SOX5: variants seen among roughly 807,000 people sequenced by gnomAD.
SOX5 encodes the protein SRY-box transcription factor 5.
Under a neutral mutation model 92.0 loss-of-function variants are expected in SOX5, and 9 were observed. The ratio of observed to expected loss-of-function variants is 0.10; its 90% CI spans 0.06 to 0.17. SOX5 has a LOEUF of 0.17. SOX5 is among the 10% of genes least tolerant of loss of function. The pLI is 1.00. For missense variants in SOX5, 642 were observed against 944.5 expected, an observed-to-expected ratio of 0.68 and a Z score of 4.20; for synonymous variants, 344 against 336.3, an observed-to-expected ratio of 1.02 and a Z score of -0.25.
chr12:23,567,983 G>A (rs191978051), intron 10 of SOX5, among the ~76,000 whole-genome samples: 4 of 152,212 alleles, frequency 2.6e-5, no homozygotes, highest in Admixed American at 1.3e-4. Context: ...CTTGTAATGG[G>A]TTGAATTGTG....
intron 4 of SOX5, among the ~76,000 whole-genome samples, chr12:24,125,402 C>G (rs1159577468): frequency 1.3e-5 from 2 of 152,106 alleles, no homozygotes; most frequent in Non-Finnish European, 2.9e-5. Flanking sequence ...GCATGAGGTA[C>G]AAAACAGTTA....
intron 1 of SOX5, among the ~76,000 whole-genome samples, chr12:23,899,179 G>C (rs999128349): frequency 1.3e-5 from 2 of 152,036 alleles, no homozygotes; most frequent in African/African-American, 4.8e-5. Context: ...GGAGGCTGAG[G>C]CGGGCAGATC....
At chr12:24,322,729 A>G (rs1474605261) in intron 2 of SOX5, among the ~76,000 whole-genome samples, 1 of 152,194 alleles carries the variant, frequency 6.6e-6, no homozygotes, top group Non-Finnish European at 1.5e-5. Flanking sequence ...ACCTCTGTTA[A>G]TGAAATTCTG....
chr12:23,721,926 G>A (rs1454222266), intron 6 of SOX5, among the ~76,000 whole-genome samples: 1 of 152,220 alleles, frequency 6.6e-6, no homozygotes, highest in African/African-American at 2.4e-5. Context: ...ACAGGTTTAT[G>A]TATGGGTTAT....
chr12:23,584,101 A>T (rs1212330624), intron 9 of SOX5, among the ~76,000 whole-genome samples: 1 of 152,164 alleles, frequency 6.6e-6, no homozygotes, highest in Non-Finnish European at 1.5e-5. Flanking sequence ...ACTGGAATCT[A>T]CAAAAGGAAT....
At chr12:24,386,525 C>A (rs1478200555) in intron 1 of SOX5, among the ~76,000 whole-genome samples, 7 of 152,082 alleles carry the variant, frequency 4.6e-5, no homozygotes, top group East Asian at 1.9e-4. Context: ...TGCTTTCTCT[C>A]TATATGAAAT....
intron 9 of SOX5, among the ~76,000 whole-genome samples, chr12:23,587,620 A>G (rs1950934915): frequency 6.6e-6 from 1 of 152,126 alleles, no homozygotes; most frequent in Non-Finnish European, 1.5e-5. Flanking sequence ...ACACTAAATC[A>G]TAAAGTATTT....
chr12:24,180,007 G>A (rs894015927), intron 4 of SOX5, among the ~76,000 whole-genome samples: 6 of 151,368 alleles, frequency 4.0e-5, no homozygotes, highest in African/African-American at 1.2e-4. Flanking sequence ...TGCAGTGGTA[G>A]TATCATCGCT....
chr12:23,890,997 G>A (rs1438640180), intron 2 of SOX5, among the ~76,000 whole-genome samples: 1 of 152,148 alleles, frequency 6.6e-6, no homozygotes, highest in Non-Finnish European at 1.5e-5. Context: ...GATTATGAAA[G>A]CTTCAGAGAA....
intron 3 of SOX5, among the ~76,000 whole-genome samples, chr12:24,274,400 C>T (rs1239377228): frequency 6.6e-6 from 1 of 152,174 alleles, no homozygotes; most frequent in Non-Finnish European, 1.5e-5. Flanking sequence ...GCTTTAAAGT[C>T]TATTTTGCTT....
chr12:24,004,672 G>T (rs1311352492), intron 4 of SOX5, among the ~76,000 whole-genome samples: 2 of 152,190 alleles, frequency 1.3e-5, no homozygotes, highest in Admixed American at 1.3e-4. Context: ...TTGCTGCTGG[G>T]TATGTCAAAT....
At chr12:23,555,020 C>A (rs1944894703) in intron 11 of SOX5, among the ~76,000 whole-genome samples, 1 of 152,044 alleles carries the variant, frequency 6.6e-6, no homozygotes, top group African/African-American at 2.4e-5. Context: ...AAGAGCAGTT[C>A]TGGCCCAACA....
chr12:24,006,064 A>G (rs1952125213), intron 4 of SOX5, among the ~76,000 whole-genome samples: 1 of 152,180 alleles, frequency 6.6e-6, no homozygotes. Context: ...TAAATAGGCT[A>G]TTGATGTCAA....
chr12:24,350,664 C>T (rs969514896), intron 2 of SOX5, among the ~76,000 whole-genome samples: 9 of 152,070 alleles, frequency 5.9e-5, no homozygotes, highest in African/African-American at 2.2e-4. Flanking sequence ...TTAACCTTAG[C>T]TTTTTTATGA....
intron 1 of SOX5, among the ~76,000 whole-genome samples, chr12:24,489,042 A>G (rs1220747514): frequency 6.6e-6 from 1 of 152,202 alleles, no homozygotes; most frequent in African/African-American, 2.4e-5. Context: ...TCTTCATGGC[A>G]AGGGTTGAAA....
At chr12:24,390,524 A>G (rs1958889006) in intron 1 of SOX5, among the ~76,000 whole-genome samples, 1 of 152,152 alleles carries the variant, frequency 6.6e-6, no homozygotes. Context: ...TAGTGTACCC[A>G]TTGCCCAAAT....
chr12:24,183,186 AAGGTCATGTTT>A (rs1388689684), intron 4 of SOX5, among the ~76,000 whole-genome samples: 5 of 152,210 alleles, frequency 3.3e-5, no homozygotes, highest in African/African-American at 1.2e-4. Flanking sequence ...GTATTCCTCT[AAGGTCATGTTT>A]AGGCAATCTT....
At chr12:23,620,646 C>T (rs2077059079) in intron 8 of SOX5, among the ~76,000 whole-genome samples, 1 of 151,894 alleles carries the variant, frequency 6.6e-6, no homozygotes, top group Non-Finnish European at 1.5e-5. Flanking sequence ...TTTTCACTAC[C>T]CCAACACATA....
intron 4 of SOX5, among the ~76,000 whole-genome samples, chr12:23,962,387 G>A (rs1486772170): frequency 2.6e-5 from 4 of 151,950 alleles, no homozygotes; most frequent in African/African-American, 7.3e-5. Flanking sequence ...ACACACAGAC[G>A]CAGGTACGCA....
Sources: gnomAD v4.1 joint callset for allele counts (sites outside exome capture counted in the v4.1 genomes callset) on GRCh38, gnomAD v4.1.1 for gene constraint, MANE v1.5 for transcripts, NCBI Gene and HGNC (gene_info 2026-07-23, HGNC 2026-07-21) for gene names.